The following NINL variants were observed in gnomAD, a reference collection of about 807,000 sequenced individuals.
NINL encodes the protein ninein like.
A neutral mutation model predicts 160.3 loss-of-function variants in NINL; 153 were observed. The ratio of observed to expected loss-of-function variants is 0.95; its 90% CI spans 0.84 to 1.09. NINL has a LOEUF of 1.09. NINL is among the 50% of genes least tolerant of loss of function. The pLI, the probability that NINL is intolerant of heterozygous loss-of-function variation, is 0.00. For synonymous variants in NINL, 800 were observed against 734.8 expected, an observed-to-expected ratio of 1.09 and a Z score of -1.43; for missense variants, 1,829 against 1,764.0, an observed-to-expected ratio of 1.04 and a Z score of -0.66.
At chr20:25,510,924 T>G (rs115231007) in intron 4 of NINL, among the ~76,000 whole-genome samples, 184 bp from the exon 5 acceptor site, 2,352 of 152,258 alleles carry the variant, frequency 0.015, 59 homozygotes, top group African/African-American at 0.054. Flanking sequence ...CAGACCCAGG[T>G]GAGCCCCGCC....
chr20:25,517,057 G>T (rs2064173051), intron 3 of NINL, among the ~76,000 whole-genome samples: 1 of 152,012 alleles, frequency 6.6e-6, no homozygotes, highest in Non-Finnish European at 1.5e-5. Flanking sequence ...CGTACACAAA[G>T]CTCAATGCCA....
chr20:25,491,213 C>A, intron 11 of NINL, 138 bp downstream of exon 11: 1 of 1,049,842 alleles, frequency 9.5e-7, no homozygotes, highest in Non-Finnish European at 1.3e-6. Context: ...GCAGCAGGTG[C>A]TCCCTCGGGC....
intron 1 of NINL, among the ~76,000 whole-genome samples, chr20:25,537,846 G>T (rs2064587085): frequency 6.6e-6 from 1 of 152,158 alleles, no homozygotes; most frequent in Non-Finnish European, 1.5e-5. Flanking sequence ...CATTAACGGG[G>T]CTCCTGACAA....
chr20:25,471,945 C>T (rs2063104113), intron 17 of NINL, among the ~76,000 whole-genome samples: 1 of 152,208 alleles, frequency 6.6e-6, no homozygotes, highest in Admixed American at 6.5e-5. Context: ...AGCCAGAATT[C>T]AATCCTCTAG....
At chr20:25,538,094 CT>C (rs1446416485) in intron 1 of NINL, among the ~76,000 whole-genome samples, 2 of 152,156 alleles carry the variant, frequency 1.3e-5, no homozygotes, top group African/African-American at 4.8e-5. Flanking sequence ...GTGGCCGCCC[CT>C]GGCCCATCCC....
intron 7 of NINL, among the ~76,000 whole-genome samples, chr20:25,502,360 A>C (rs1270246159): frequency 6.6e-6 from 1 of 152,184 alleles, no homozygotes; most frequent in African/African-American, 2.4e-5. Context: ...TGGTCCTACA[A>C]CACCACTCAC....
chr20:25,473,338 T>C (rs999572943), intron 17 of NINL, among the ~76,000 whole-genome samples: 6 of 152,066 alleles, frequency 3.9e-5, no homozygotes, highest in African/African-American at 1.4e-4. Context: ...CTGGGCATGG[T>C]GGCTCACACC....
In NINL at chr20:25,526,566, A is replaced by G. The variant is rs2064364813; in HGVS notation, c.22T>C (p.Tyr8His). Residue 8 changes from tyrosine (Y) to histidine (H), a missense_variant, in exon 2 of 24, where the codon TAT (tyrosine) becomes CAT (histidine). Transcript: ENST00000278886. MDEEENH[Y>H]VSQLREVYSS... is the part of the protein sequence containing the mutation. The stretch of plus-strand genomic sequence containing the variant: ...TAGACTTCCCTGAGCTGCGAGACAT[A>G]GTGGTTCTCTTCTTCATCCATCCCA... 6.2e-7 allele frequency: 1 copy of G among 1,614,028 alleles called. No homozygotes were observed. The highest frequency in any genetic ancestry group is 1.3e-5 in the African/African-American group (1 of 74,936).
chr20:25,545,988 A>ACT (rs1555876031), intron 1 of NINL, among the ~76,000 whole-genome samples: 1 of 147,388 alleles, frequency 6.8e-6, no homozygotes, highest in Non-Finnish European at 1.5e-5. Context: ...TTTTGTTTTT[A>ACT]TTTTTTTTTT....
chr20:25,471,487 G>A (rs1283491789), intron 17 of NINL, among the ~76,000 whole-genome samples: 1 of 152,144 alleles, frequency 6.6e-6, no homozygotes, highest in East Asian at 1.9e-4. Flanking sequence ...GCCGAAAGCT[G>A]AGGGGTGCCC....
chr20:25,574,419 G>C (rs1170993559), intron 1 of NINL, among the ~76,000 whole-genome samples: 4 of 151,800 alleles, frequency 2.6e-5, no homozygotes, highest in Non-Finnish European at 5.9e-5. Context: ...GCTTTAAAAT[G>C]CAACAGGAGG....
chr20:25,478,408 C>G (rs1601078576), intron 16 of NINL, among the ~76,000 whole-genome samples: 1 of 152,152 alleles, frequency 6.6e-6, no homozygotes, highest in East Asian at 1.9e-4. Flanking sequence ...ACCTCAGATG[C>G]CCCCAACAAG....
At chr20:25,508,143 C>T (rs989891071) in intron 5 of NINL, among the ~76,000 whole-genome samples, 7 of 152,206 alleles carry the variant, frequency 4.6e-5, no homozygotes, top group African/African-American at 1.7e-4. Context: ...TTGTCCAGCA[C>T]CACAGCTGGA....
chr20:25,458,189 C>T (rs1037279468), intron 22 of NINL, among the ~76,000 whole-genome samples, 194 bp downstream of exon 22: 9 of 152,368 alleles, frequency 5.9e-5, no homozygotes, highest in African/African-American at 2.2e-4. Context: ...CAGGGGCCAC[C>T]TGTGAGGCCT....
intron 1 of NINL, chr20:25,540,183 T>G: frequency 2.9e-6 from 1 of 344,050 alleles, no homozygotes. Flanking sequence ...ATATTCCAGA[T>G]AAAAAGCAAC....
chr20:25,482,181 G>T (rs765227977), intron 13 of NINL, 81 bp from the exon 14 acceptor site: 19 of 1,508,170 alleles, frequency 1.3e-5, no homozygotes, highest in African/African-American at 2.7e-5. Flanking sequence ...CCTCCAGGGG[G>T]GTCCCTTGCA....
chr20:25,518,067 C>T (rs1472012962), intron 2 of NINL, among the ~76,000 whole-genome samples: 1 of 152,240 alleles, frequency 6.6e-6, no homozygotes, highest in African/African-American at 2.4e-5. Context: ...CAAATAAACA[C>T]TATCAACAAT....
intron 7 of NINL, among the ~76,000 whole-genome samples, chr20:25,502,386 T>C (rs558925805): frequency 3.3e-5 from 5 of 152,288 alleles, no homozygotes; most frequent in East Asian, 1.9e-4. Flanking sequence ...TCAGGACCAA[T>C]TGCAGCAGCA....
intron 22 of NINL, among the ~76,000 whole-genome samples, 177 bp downstream of exon 22, chr20:25,458,206 G>A (rs1291940159): frequency 6.6e-6 from 1 of 152,156 alleles, no homozygotes; most frequent in East Asian, 1.9e-4. Context: ...GCCTTGTCTG[G>A]CCACCCTGTT....
Sources: gnomAD v4.1 joint callset for allele counts (sites outside exome capture counted in the v4.1 genomes callset) on GRCh38, gnomAD v4.1.1 for gene constraint, MANE v1.5 for transcripts, NCBI Gene and HGNC (gene_info 2026-07-23, HGNC 2026-07-21) for gene names.